Variants in CCDC138 observed in about 807,000 individuals in gnomAD.
CCDC138 encodes coiled-coil domain containing 138, also known as coiled-coil domain-containing protein 138.
A neutral mutation model predicts 82.3 loss-of-function variants in CCDC138; 66 were observed. That is an observed-to-expected ratio of 0.80 (90% confidence interval 0.66 to 0.98). The LOEUF (loss-of-function observed/expected upper bound fraction) is 0.98, where lower values mean the gene tolerates loss of function less well. CCDC138 is among the 50% of genes least tolerant of loss of function. The pLI, the probability that CCDC138 is intolerant of heterozygous loss-of-function variation, is 0.00. For synonymous variants in CCDC138, 297 were observed against 265.4 expected (o/e 1.12, Z -1.16); for missense variants, 816 against 758.9 (o/e 1.08, Z -0.88).
At chr2:108,815,207 T>C (rs762053407) in intron 9 of CCDC138, among the ~76,000 whole-genome samples, 4 of 152,148 alleles carry the variant, frequency 2.6e-5, no homozygotes, top group Non-Finnish European at 5.9e-5. Context: ...AAAGATAAGT[T>C]TCATAGTGGA....
At chr2:108,835,861 C>T (rs984835656) in intron 10 of CCDC138, among the ~76,000 whole-genome samples, 7 of 152,194 alleles carry the variant, frequency 4.6e-5, no homozygotes, top group African/African-American at 1.7e-4. Context: ...GTCCTGGCAG[C>T]TGGATGTCCA....
At chr2:108,798,663 T>G (rs2149545629) in intron 6 of CCDC138, 77 bp downstream of exon 6, 1 of 1,146,300 alleles carries the variant, frequency 8.7e-7, no homozygotes, top group Non-Finnish European at 1.3e-6. Context: ...TAACATTTTG[T>G]CACATTTGCT....
At chr2:108,852,319 T>A (rs1178328240) in intron 12 of CCDC138, among the ~76,000 whole-genome samples, 1 of 152,218 alleles carries the variant, frequency 6.6e-6, no homozygotes, top group East Asian at 1.9e-4. Flanking sequence ...GTAAATTAGT[T>A]CAGCCATTGT....
At chr2:108,845,310 G>A (rs898503194) in intron 11 of CCDC138, among the ~76,000 whole-genome samples, 1 of 151,906 alleles carries the variant, frequency 6.6e-6, no homozygotes, top group Non-Finnish European at 1.5e-5. Flanking sequence ...TTTGGCCTTT[G>A]TCACCTGTAA....
intron 10 of CCDC138, among the ~76,000 whole-genome samples, chr2:108,823,585 T>G (rs948949579): frequency 6.6e-6 from 1 of 152,242 alleles, no homozygotes; most frequent in Non-Finnish European, 1.5e-5. Flanking sequence ...CTGTACAGCA[T>G]TTGCTATGCA....
intron 6 of CCDC138, 145 bp from the exon 7 acceptor site, chr2:108,804,744 C>G (rs1682548080): frequency 1.2e-5 from 7 of 570,590 alleles, no homozygotes; most frequent in Non-Finnish European, 2.0e-5. Context: ...AATTACTTGC[C>G]ACACTAGTCA....
At chr2:108,854,001 AT>A (rs1235049441) in intron 12 of CCDC138, among the ~76,000 whole-genome samples, 23 of 10,826 alleles carry the variant, frequency 2.1e-3, no homozygotes, top group South Asian at 9.5e-3. Context: ...ATAAATTTAT[AT>A]TATATATAAT....
At chr2:108,859,632 G>C (rs565498838) in intron 13 of CCDC138, among the ~76,000 whole-genome samples, 6 of 151,954 alleles carry the variant, frequency 3.9e-5, no homozygotes, top group Non-Finnish European at 7.4e-5. Context: ...TTTTATTTCA[G>C]TTTCTCTATT....
At chr2:108,827,541 G>A (rs1686818861) in intron 10 of CCDC138, among the ~76,000 whole-genome samples, 1 of 152,144 alleles carries the variant, frequency 6.6e-6, no homozygotes, top group East Asian at 1.9e-4. Context: ...TTTTGGCTGG[G>A]CGCAGTGGCT....
Position 108,829,469 on chromosome 2 carries a change from A to AACAGGGCTGT in CCDC138, c.1207-9713_1207-9712insGGGCTGTACA, listed in dbSNP as rs531323637. On this transcript the variant is annotated intron_variant, in intron 10 of 14. Coordinates refer to ENST00000295124, the MANE Select transcript of CCDC138 (RefSeq NM_144978.3). ...TATTAGAATGTTTATTTAAAAAATA[A>AACAGGGCTGT]ACATGGTGGCCCATGCCTGTAATGC... Among the ~76,000 whole-genome samples the AACAGGGCTGT allele has an allele frequency of 4.1e-3, 623 of 152,330 alleles. 7 individuals carry two copies. The highest frequency in any genetic ancestry group is 0.015 in the African/African-American group (603 of 41,576).
intron 12 of CCDC138, among the ~76,000 whole-genome samples, chr2:108,849,567 T>G (rs2150708102): frequency 6.6e-6 from 1 of 152,172 alleles, no homozygotes; most frequent in South Asian, 2.1e-4. Context: ...CACTCTCTAG[T>G]CTCCCTTCAC....
At position 108,856,844 on chromosome 2, in the gene CCDC138, G is replaced by C; in HGVS notation, c.1567G>C (p.Glu523Gln). The change falls in exon 13 of 15, where the codon GAA becomes CAA. Residue 523 changes from glutamate (E) to glutamine (Q), a missense_variant. Coordinates refer to ENST00000295124, the MANE Select transcript of CCDC138 (RefSeq NM_144978.3). ...FDSLCLDLKTEEGKTLFLEYQ... is the reference protein window; with the variant it reads ...FDSLCLDLKTQEGKTLFLEYQ... ...TTCTCTTTGTTTGGACTTGAAGACAGAAGAAGGAAAAACCTTGTTTTTGGA... is the reference window on the plus strand; with the variant it reads ...TTCTCTTTGTTTGGACTTGAAGACACAAGAAGGAAAAACCTTGTTTTTGGA... 6.2e-7 allele frequency: 1 copy of C among 1,613,480 alleles called. No homozygotes were observed.
At chr2:108,853,127 T>G (rs538062522) in intron 12 of CCDC138, among the ~76,000 whole-genome samples, 1 of 152,208 alleles carries the variant, frequency 6.6e-6, no homozygotes, top group African/African-American at 2.4e-5. Flanking sequence ...TGAGAAAAGA[T>G]AAATAGCTGA....
intron 13 of CCDC138, among the ~76,000 whole-genome samples, chr2:108,866,290 T>A (rs896578017): frequency 1.3e-5 from 2 of 152,212 alleles, no homozygotes; most frequent in African/African-American, 4.8e-5. Flanking sequence ...CCCTGTGAAG[T>A]GATCCAGGAT....
At chr2:108,850,197 AG>A (rs1235561979) in intron 12 of CCDC138, among the ~76,000 whole-genome samples, 1 of 152,226 alleles carries the variant, frequency 6.6e-6, no homozygotes. Context: ...AAATCCTAAG[AG>A]TAGACTTAAC....
intron 3 of CCDC138, among the ~76,000 whole-genome samples, chr2:108,789,734 G>T (rs1679589103): frequency 6.6e-6 from 1 of 152,146 alleles, no homozygotes; most frequent in Admixed American, 6.5e-5. Context: ...CTGGGGAGAT[G>T]GTAACTACAG....
intron 5 of CCDC138, 147 bp from the exon 6 acceptor site, chr2:108,798,281 T>G (rs997721224): frequency 4.5e-5 from 31 of 688,614 alleles, no homozygotes; most frequent in Admixed American, 1.4e-4. Context: ...CTTGCTATAC[T>G]AGTCTAGCTA....
chr2:108,872,222 T>G (rs1211680707), intron 13 of CCDC138, among the ~76,000 whole-genome samples: 1 of 152,116 alleles, frequency 6.6e-6, no homozygotes, highest in Non-Finnish European at 1.5e-5. Flanking sequence ...TCTTCTTCCC[T>G]CCTTCTCCTC....
intron 12 of CCDC138, among the ~76,000 whole-genome samples, chr2:108,849,787 A>G (rs1290490647): frequency 6.6e-6 from 1 of 152,220 alleles, no homozygotes; most frequent in Admixed American, 6.5e-5. Context: ...TATGAGCCCA[A>G]ACCTGTGGGG....
Sources: allele counts gnomAD v4.1 joint callset (sites outside exome capture counted in the v4.1 genomes callset), GRCh38; gene constraint gnomAD v4.1.1; transcripts MANE v1.5; gene names NCBI Gene and HGNC (gene_info 2026-07-23, HGNC 2026-07-21).